PXDNL: variants seen among roughly 807,000 people sequenced by gnomAD.
PXDNL encodes peroxidasin like.
Under a neutral mutation model 150.8 loss-of-function variants are expected in PXDNL, and 145 were observed. That is an observed-to-expected ratio of 0.96 (90% CI 0.84 to 1.10). The LOEUF is 1.10. Among genes scored for constraint, PXDNL ranks in the 50% least tolerant of loss-of-function variants. The probability of loss-of-function intolerance (pLI) is 0.00; values close to 1 mark genes in which losing one functional copy is unlikely to be tolerated. For missense variants in PXDNL, 2,087 were observed against 1,873.9 expected (o/e 1.11, Z -2.10); for synonymous variants, 757 against 725.7 (o/e 1.04, Z -0.69).
chr8:51,407,927 A>G, intron 17 of PXDNL, 140 bp downstream of exon 17: 1 of 695,540 alleles, frequency 1.4e-6, no homozygotes, highest in Non-Finnish European at 2.3e-6. Context: ...TTCCTTTAAT[A>G]TTAAACCTCT....
chr8:51,325,983 G>A (rs1452707613), intron 21 of PXDNL, among the ~76,000 whole-genome samples: 1 of 152,160 alleles, frequency 6.6e-6, no homozygotes, highest in East Asian at 1.9e-4. Context: ...GAGGGACTCA[G>A]GTTTTGTTGG....
chr8:51,799,602 T>C (rs2037597905), intron 1 of PXDNL, among the ~76,000 whole-genome samples: 1 of 152,184 alleles, frequency 6.6e-6, no homozygotes, highest in African/African-American at 2.4e-5. Flanking sequence ...CTTGGAACAT[T>C]TTAAAAATAA....
chr8:51,440,553 G>A (rs1373828542), intron 12 of PXDNL, among the ~76,000 whole-genome samples: 1 of 152,142 alleles, frequency 6.6e-6, no homozygotes, highest in Non-Finnish European at 1.5e-5. Flanking sequence ...CTCCCACATT[G>A]CAGCTATCCC....
At chr8:51,611,273 C>A (rs1300091963) in intron 2 of PXDNL, among the ~76,000 whole-genome samples, 2 of 151,838 alleles carry the variant, frequency 1.3e-5, no homozygotes, top group Non-Finnish European at 2.9e-5. Flanking sequence ...TTATTAGAAA[C>A]AGAAATAAGT....
chr8:51,616,313 A>T (rs1056294319), intron 2 of PXDNL, among the ~76,000 whole-genome samples: 6 of 152,202 alleles, frequency 3.9e-5, no homozygotes, highest in African/African-American at 1.4e-4. Flanking sequence ...GGACACAGCC[A>T]TGTGTGTAGG....
chr8:51,327,915 T>A (rs1181279710), intron 21 of PXDNL, among the ~76,000 whole-genome samples: 2 of 152,234 alleles, frequency 1.3e-5, no homozygotes, highest in African/African-American at 4.8e-5. Context: ...AACCAAGATC[T>A]GCTTACCTGG....
At position 51,809,218 on chromosome 8, in the gene PXDNL, C is replaced by A; in HGVS notation, c.127G>T (p.Asp43Tyr). The change falls in exon 1 of 23, where the codon GAC (aspartate) becomes TAC (tyrosine). Residue 43 changes from aspartate (D) to tyrosine (Y), a missense_variant. Physicochemically the swap from Asp to Tyr is radical, Grantham distance 160 (BLOSUM62 -3). Transcript: ENST00000356297. ...TGCTGTGGTACCTGAGGAATGTGGT[C>A]CAGCATCAAGTGCATGCAGCGGACG... The part of the protein sequence containing the change: ...STVRCMHLML[D>Y]HIPQVPQQTT... 1 of 1,613,664 alleles carries A rather than the reference C, an allele frequency of 6.2e-7. No individual in the cohort carries two copies. Among genetic ancestry groups the A allele is most frequent in the South Asian group, 1.1e-5 (1 of 90,950 alleles).
chr8:51,566,511 T>A (rs1204446466), intron 3 of PXDNL, among the ~76,000 whole-genome samples: 1 of 151,778 alleles, frequency 6.6e-6, no homozygotes, highest in Non-Finnish European at 1.5e-5. Context: ...TCTTGTGTGG[T>A]TTGTTACATT....
intron 2 of PXDNL, among the ~76,000 whole-genome samples, chr8:51,608,022 A>AGAAAGAAAGAAAG (rs1491343375): frequency 1.2e-4 from 11 of 92,064 alleles, no homozygotes; most frequent in African/African-American, 4.5e-4. Context: ...AGAAAGAAAG[A>AGAAAGAAAGAAAG]AAGAAAGAAA....
At chr8:51,507,519 C>A (rs970549226) in intron 4 of PXDNL, among the ~76,000 whole-genome samples, 5 of 152,156 alleles carry the variant, frequency 3.3e-5, no homozygotes, top group African/African-American at 7.2e-5. Context: ...GTGATTTGAA[C>A]TTTACCTTAA....
intron 2 of PXDNL, among the ~76,000 whole-genome samples, chr8:51,642,622 A>C (rs1814794486): frequency 6.6e-6 from 1 of 152,198 alleles, no homozygotes; most frequent in Non-Finnish European, 1.5e-5. Flanking sequence ...TTCCCTTTGA[A>C]AACTGGCACA....
Position 51,372,013 on chromosome 8 carries a change from C to T in PXDNL, c.3761G>A (p.Ser1254Asn), listed in dbSNP as rs747590205. ...GTCACCATTGTCACAAAGCACCCGG[C>T]TCAGGGACGCCTGCTTCAGCTGAGT... is the stretch of plus-strand genomic sequence containing the variant. ...QLTQLKQASL[S>N]RVLCDNGDSI... is the part of the protein sequence containing the mutation. The change falls in exon 19 of 23, where the codon AGC becomes AAC. Residue 1254 changes from serine to asparagine, a missense_variant. Transcript: ENST00000356297. The T allele has an allele frequency of 6.2e-7, 1 of 1,612,656 alleles. No individual in the cohort carries two copies. The highest frequency in any genetic ancestry group is 1.1e-5 in the South Asian group (1 of 90,754).
intron 1 of PXDNL, among the ~76,000 whole-genome samples, chr8:51,758,901 G>A (rs187294418): frequency 6.6e-6 from 1 of 152,264 alleles, no homozygotes; most frequent in African/African-American, 2.4e-5. Context: ...AATCCTCCCT[G>A]AGCAACAAAG....
chr8:51,543,180 A>T (rs1812259786), intron 4 of PXDNL, among the ~76,000 whole-genome samples: 1 of 152,204 alleles, frequency 6.6e-6, no homozygotes, highest in South Asian at 2.1e-4. Flanking sequence ...AAGATCAAAG[A>T]GCTAAGTGCC....
chr8:51,581,460 C>T (rs1050671242), intron 3 of PXDNL, among the ~76,000 whole-genome samples: 3 of 150,232 alleles, frequency 2.0e-5, no homozygotes, highest in Non-Finnish European at 4.4e-5. Flanking sequence ...CACCACTGCA[C>T]TCCAGCCTAG....
chr8:51,763,373 A>C (rs2037188144), intron 1 of PXDNL, among the ~76,000 whole-genome samples: 1 of 151,666 alleles, frequency 6.6e-6, no homozygotes, highest in Non-Finnish European at 1.5e-5. Flanking sequence ...TGGGGCATTC[A>C]ACTGGAAAAG....
At chr8:51,719,107 A>G (rs1816676880) in intron 1 of PXDNL, among the ~76,000 whole-genome samples, 1 of 151,860 alleles carries the variant, frequency 6.6e-6, no homozygotes, top group Admixed American at 6.6e-5. Context: ...CGCCCCTTCT[A>G]GGAAGTGAGG....
At chr8:51,721,759 A>C (rs536235966) in intron 1 of PXDNL, 25 of 403,568 alleles carry the variant, frequency 6.2e-5, no homozygotes, top group Admixed American at 5.2e-4. Context: ...TCCAGCAGCA[A>C]GTGCTGCTTT....
intron 5 of PXDNL, among the ~76,000 whole-genome samples, chr8:51,494,115 G>C (rs1403015107): frequency 1.3e-5 from 2 of 152,090 alleles, no homozygotes; most frequent in Non-Finnish European, 2.9e-5. Context: ...AAGAGAGTGG[G>C]GGCCAATATT....
Sources: allele counts gnomAD v4.1 joint callset (sites outside exome capture counted in the v4.1 genomes callset), GRCh38; gene constraint gnomAD v4.1.1; transcripts MANE v1.5; gene names NCBI Gene and HGNC (gene_info 2026-07-23, HGNC 2026-07-21).